Variants in LOXL3 observed in about 807,000 individuals in gnomAD.
The protein encoded by LOXL3 is lysyl oxidase like 3.
In LOXL3, 60 loss-of-function variants were observed where a neutral mutation model predicts 91.8. The ratio of observed to expected loss-of-function variants is 0.65; its 90% confidence interval spans 0.53 to 0.81. The LOEUF (loss-of-function observed/expected upper bound fraction) is 0.81, where lower values mean the gene tolerates loss of function less well. Ranked by LOEUF, LOXL3 falls within the 30% of genes least tolerant of loss-of-function variation. The pLI, the probability that LOXL3 is intolerant of heterozygous loss-of-function variation, is 0.00. For synonymous variants in LOXL3, 355 were observed against 387.6 expected (o/e 0.92, Z 0.99); for missense variants, 874 against 1,000.4 (o/e 0.87, Z 1.70).
chr2:74,546,382 C>T (rs184180234), intron 4 of LOXL3, among the ~76,000 whole-genome samples: 91 of 152,300 alleles, frequency 6.0e-4, no homozygotes, highest in African/African-American at 2.0e-3. Context: ...GAACAAAAGC[C>T]ATCCTCTCCC....
upstream of LOXL3, chr2:74,554,979 C>G: frequency 7.1e-7 from 1 of 1,404,492 alleles, no homozygotes; most frequent in Non-Finnish European, 9.8e-7. The surrounding 1 kb of genome is among the most constrained non-coding windows in gnomAD (Gnocchi z 4.9). Context: ...CGTCTGTAGT[C>G]TAGGGGTTCT....
At chr2:74,551,875 C>A (rs574010449) in intron 2 of LOXL3, among the ~76,000 whole-genome samples, 1 of 152,368 alleles carries the variant, frequency 6.6e-6, no homozygotes, top group African/African-American at 2.4e-5. Flanking sequence ...ACAGTACCAC[C>A]TTGTTAGTTT....
intron 4 of LOXL3, among the ~76,000 whole-genome samples, chr2:74,545,599 T>C (rs140139310): frequency 1.0e-3 from 153 of 152,310 alleles, no homozygotes; most frequent in Admixed American, 2.9e-3. Flanking sequence ...ATCCAGCATT[T>C]GTTTCTCAGT....
chr2:74,537,055 T>C (rs1676073980), intron 4 of LOXL3, 127 bp from the exon 5 acceptor site: 7 of 724,696 alleles, frequency 9.7e-6, no homozygotes, highest in South Asian at 5.5e-5. Flanking sequence ...TCTCCTCTTC[T>C]TCCCCCTTCC....
intron 4 of LOXL3, among the ~76,000 whole-genome samples, chr2:74,540,069 G>A (rs1379964465): frequency 1.3e-5 from 2 of 152,046 alleles, no homozygotes; most frequent in African/African-American, 2.4e-5. Context: ...GGCTGGTCTC[G>A]AACTCCTGAC....
At position 74,536,339 on chromosome 2, in the gene LOXL3, C is replaced by T; in HGVS notation, c.1045G>A (p.Gly349Ser). 1 of 1,614,116 alleles carries T rather than the reference C, an allele frequency of 6.2e-7. No homozygotes were observed. Among genetic ancestry groups the T allele is most frequent in the South Asian group, 1.1e-5 (1 of 91,090 alleles). Residue 349 changes from glycine (G) to serine (S), a missense_variant, in exon 6 of 14, where the codon GGC becomes AGC. Gly to Ser is a moderately conservative substitution (Grantham distance 56, BLOSUM62 0). Coordinates refer to ENST00000264094, the MANE Select transcript of LOXL3 (RefSeq NM_032603.5). This position sits in a 1 kb window ranked among gnomAD's most constrained non-coding sequence, Gnocchi z 4.5. ...AGAGCTTCTCGAGCACTCCCGAAGC[C>T]CAGCTCCCGACACACCACGCTGGCT... is the stretch of plus-strand genomic sequence containing the variant. ...HAASVVCREL[G>S]FGSAREALSG...
At position 74,535,697 on chromosome 2, in the gene LOXL3, C is replaced by G. The variant is rs756982019; in HGVS notation, c.1307G>C (p.Gly436Ala). The change falls in exon 8 of 14, where the codon GGA becomes GCA. Residue 436 changes from glycine (G) to alanine (A), a missense_variant. Coordinates refer to ENST00000264094, the MANE Select transcript of LOXL3 (RefSeq NM_032603.5). This position sits in a 1 kb window ranked among gnomAD's most constrained non-coding sequence, Gnocchi z 4.2. Reference sequence around the variant, plus strand: ...GAGGCCCCAGCGAAGGGGCCCAGGTCCCCCTATTTGCACCTCGACTCGCCC... The same window carrying G: ...GAGGCCCCAGCGAAGGGGCCCAGGTGCCCCTATTTGCACCTCGACTCGCCC... Reference protein sequence around the residue: ...HEGRVEVQIGGPGPLRWGLIC... With the variant: ...HEGRVEVQIGAPGPLRWGLIC... The G allele has an allele frequency of 3.7e-6, 6 of 1,606,606 alleles. No homozygotes were observed. Among genetic ancestry groups the G allele is most frequent in the Non-Finnish European group, 5.1e-6 (6 of 1,177,942 alleles).
rs755179913 is a variant in LOXL3, at chr2:74,536,437, C to A, written c.947G>T (p.Gly316Val). 6.2e-7 allele frequency: 1 copy of A among 1,613,988 alleles called. No individual in the cohort carries two copies. The highest frequency in any genetic ancestry group is 1.1e-5 in the South Asian group (1 of 91,080). The change falls in exon 6 of 14, where the codon GGA becomes GTA. Residue 316 changes from glycine to valine, a missense_variant. Physicochemically the swap from Gly to Val is moderately radical, Grantham distance 109 (BLOSUM62 -3). Transcript: ENST00000264094. The surrounding 1 kb of genome is among the most constrained non-coding windows in gnomAD (Gnocchi z 4.5). ...RVRLKGGAHPGEGRVEVLKAS... is the reference protein window; with the variant it reads ...RVRLKGGAHPVEGRVEVLKAS... Reference sequence around the variant, plus strand: ...CTTCAGGACTTCTACCCGGCCCTCTCCAGGGTGGGCGCCGCCCTTTAGACG... The same window carrying A: ...CTTCAGGACTTCTACCCGGCCCTCTACAGGGTGGGCGCCGCCCTTTAGACG...
chr2:74,542,604 A>T (rs1017662443), intron 4 of LOXL3, among the ~76,000 whole-genome samples: 11 of 148,992 alleles, frequency 7.4e-5, no homozygotes, highest in Non-Finnish European at 1.5e-4. Flanking sequence ...CATACTTATC[A>T]TCTTTATATC....
At chr2:74,554,888 G>C, upstream of LOXL3, 1 of 1,592,370 alleles carries the variant, frequency 6.3e-7, no homozygotes, top group Non-Finnish European at 8.6e-7. This position sits in a 1 kb window ranked among gnomAD's most constrained non-coding sequence, Gnocchi z 4.9. Context: ...AGGGAGAGGT[G>C]GGCAGCGGGC....
At chr2:74,551,250 T>C (rs530108155) in intron 2 of LOXL3, among the ~76,000 whole-genome samples, 5 of 152,358 alleles carry the variant, frequency 3.3e-5, no homozygotes, top group African/African-American at 7.2e-5. Context: ...CTGTGGAGTA[T>C]CACTGGCTTC....
Position 74,536,936 on chromosome 2 carries a change from GA to G in LOXL3, c.693-9del, listed in dbSNP as rs1676065080. ...TGCCGTTGGGCTAGCAGCCTAGGGG[GA>G]CAGGAGTGAGGTGCAGTAGGGTAAA... On this transcript the variant is annotated splice_polypyrimidine_tract_variant and intron_variant, in intron 4 of 13. Transcript: ENST00000264094. This position sits in a 1 kb window ranked among gnomAD's most constrained non-coding sequence, Gnocchi z 4.5. 6.2e-7 allele frequency: 1 copy of G among 1,613,128 alleles called. No homozygotes were observed. The highest frequency in any genetic ancestry group is 8.5e-7 in the Non-Finnish European group (1 of 1,179,358).
At chr2:74,551,275 C>T (rs773065245) in intron 2 of LOXL3, among the ~76,000 whole-genome samples, 12 of 152,330 alleles carry the variant, frequency 7.9e-5, no homozygotes, top group Middle Eastern at 3.4e-3. Flanking sequence ...CAGAATTGGG[C>T]GCAGCCTCAA....
chr2:74,541,052 C>T (rs1676299103), intron 4 of LOXL3, among the ~76,000 whole-genome samples: 1 of 152,208 alleles, frequency 6.6e-6, no homozygotes, highest in African/African-American at 2.4e-5. Flanking sequence ...CTTCCATATC[C>T]ATGGGCTCTG....
At position 74,536,475 on chromosome 2, in the gene LOXL3, T is replaced by C. The variant is rs201206672; in HGVS notation, c.913-4A>G. On this transcript the variant is annotated splice_polypyrimidine_tract_variant and splice_region_variant and intron_variant, in intron 5 of 13. Coordinates refer to ENST00000264094, the MANE Select transcript of LOXL3 (RefSeq NM_032603.5). The surrounding 1 kb of genome is among the most constrained non-coding windows in gnomAD (Gnocchi z 4.5). ...CGCCCTTTAGACGGACACGGGCCTATAGAAGAGAGAAGTGCCCAACAGAGG... is the reference window on the plus strand; with the variant it reads ...CGCCCTTTAGACGGACACGGGCCTACAGAAGAGAGAAGTGCCCAACAGAGG... 5 of 1,611,388 alleles carry C rather than the reference T, an allele frequency of 3.1e-6. No homozygotes were observed. In the East Asian group the frequency reaches 6.7e-5, roughly 22 times the overall value.
chr2:74,555,140 C>G, upstream of LOXL3: 1 of 1,603,920 alleles, frequency 6.2e-7, no homozygotes, highest in African/African-American at 1.3e-5. This position sits in a 1 kb window ranked among gnomAD's most constrained non-coding sequence, Gnocchi z 6.1. Flanking sequence ...CGAGCACTCT[C>G]TCTCTCTCCC....
In LOXL3 at chr2:74,535,599, G is replaced by A. The variant is rs1230767257; in HGVS notation, c.1405C>T (p.His469Tyr). ...CRQLGLGYAN[H>Y]GLQETWYWDS... is the part of the protein sequence containing the mutation. ...TCCTTCCCACTCACCTGCAGGCCGT[G>A]GTTGGCGTAGCCCAGACCCAGTTGC... Residue 469 changes from histidine to tyrosine, a missense_variant, in exon 8 of 14, where the codon CAC becomes TAC. Physicochemically the swap from His to Tyr is moderately conservative, Grantham distance 83. Coordinates refer to ENST00000264094, the MANE Select transcript of LOXL3 (RefSeq NM_032603.5). This position sits in a 1 kb window ranked among gnomAD's most constrained non-coding sequence, Gnocchi z 4.2. 6 of 1,614,066 alleles carry A rather than the reference G, an allele frequency of 3.7e-6. No individual in the cohort carries two copies. The highest frequency in any genetic ancestry group is 5.1e-6 in the Non-Finnish European group (6 of 1,180,036).
At position 74,535,092 on chromosome 2, in the gene LOXL3, TG is replaced by T. The variant is rs1236208853; in HGVS notation, c.1579+199del. Among the ~76,000 whole-genome samples, 1 of 152,200 alleles carries T rather than the reference TG, an allele frequency of 6.6e-6. No individual in the cohort carries two copies. Among genetic ancestry groups the T allele is most frequent in the Non-Finnish European group, 1.5e-5 (1 of 68,026 alleles). On this transcript the variant is annotated intron_variant, in intron 9 of 13. Transcript: ENST00000264094. This position sits in a 1 kb window ranked among gnomAD's most constrained non-coding sequence, Gnocchi z 4.2. The stretch of plus-strand genomic sequence containing the variant: ...CAGGGTTTCACCATCTTGGTCAGGC[TG>T]GTCTTGAATTCCTGACCTCGTGATC...
At position 74,536,569 on chromosome 2, in the gene LOXL3, T is replaced by G. The variant is rs568602916; in HGVS notation, c.913-98A>C. 14 of 1,453,846 alleles carry G rather than the reference T, an allele frequency of 9.6e-6. No individual in the cohort carries two copies. In the East Asian group the frequency reaches 3.1e-4, roughly 32 times the overall value. 90.1% of individuals were successfully genotyped at this position (1,453,846 alleles called of 1,614,324 possible). A position where few individuals can be genotyped will look rare whatever the true frequency, so the allele number is the denominator to read the frequency against. ...TGAGTGAGACTTTGGTGGAAGGGAG[T>G]GGGTGGTATCAGGTCTGTGGCCCAC... On this transcript the variant is annotated intron_variant, in intron 5 of 13. Coordinates refer to ENST00000264094, the MANE Select transcript of LOXL3 (RefSeq NM_032603.5). This position sits in a 1 kb window ranked among gnomAD's most constrained non-coding sequence, Gnocchi z 4.5.
Sources: gnomAD v4.1 joint callset for allele counts (sites outside exome capture counted in the v4.1 genomes callset) on GRCh38, gnomAD v4.1.1 for gene constraint, Gnocchi (gnomAD v3.1) non-coding constraint, MANE v1.5 for transcripts, NCBI Gene and HGNC (gene_info 2026-07-23, HGNC 2026-07-21) for gene names.